Variants in SLC39A10 observed in about 807,000 individuals in gnomAD.
SLC39A10 encodes the protein solute carrier family 39 member 10.
In SLC39A10, 13 loss-of-function variants were observed where a neutral mutation model predicts 65.1. The ratio of observed to expected loss-of-function variants is 0.20; its 90% CI spans 0.13 to 0.32. The LOEUF (loss-of-function observed/expected upper bound fraction) is 0.32. Among genes scored for constraint, SLC39A10 ranks in the 10% least tolerant of loss-of-function variants. The pLI is 1.00. For missense variants in SLC39A10, 831 were observed against 1,018.4 expected, an observed-to-expected ratio of 0.82 and a Z score of 2.50; for synonymous variants, 321 against 342.2, an observed-to-expected ratio of 0.94 and a Z score of 0.68.
At chr2:195,685,684 C>T (rs929205195) in intron 3 of SLC39A10, among the ~76,000 whole-genome samples, 2 of 152,108 alleles carry the variant, frequency 1.3e-5, no homozygotes, top group Admixed American at 6.5e-5. Flanking sequence ...ACTTAGTGAC[C>T]ATCCTAGGCT....
At chr2:195,653,954 T>C (rs1689091434), upstream of SLC39A10, among the ~76,000 whole-genome samples, 1 of 152,202 alleles carries the variant, frequency 6.6e-6, no homozygotes, top group African/African-American at 2.4e-5. Flanking sequence ...TTTTGTTTTT[T>C]TGAGACGGAG....
intron 1 of SLC39A10, chr2:195,671,626 A>T (rs139389318): frequency 6.6e-6 from 1 of 152,210 alleles, no homozygotes; most frequent in Non-Finnish European, 1.5e-5. Context: ...ATGGGCTTCT[A>T]CCATTTCCCC....
At chr2:195,705,770 T>C (rs1013191113) in intron 3 of SLC39A10, among the ~76,000 whole-genome samples, 11 of 152,304 alleles carry the variant, frequency 7.2e-5, no homozygotes, top group African/African-American at 2.6e-4. Context: ...CTATTTCATT[T>C]TAGGCCAATA....
chr2:195,643,351 C>T (rs1688847635), intron 2 of SLC39A10, among the ~76,000 whole-genome samples: 1 of 152,120 alleles, frequency 6.6e-6, no homozygotes, highest in Non-Finnish European at 1.5e-5. Flanking sequence ...AGAGTGCATA[C>T]AAGGATGTTC....
rs63731460 is a variant in SLC39A10, at chr2:195,723,747, A to T, written c.2147-4412A>T. Among the ~76,000 whole-genome samples, 151 of 31,344 alleles carry T rather than the reference A, an allele frequency of 4.8e-3. 7 individuals are homozygous for T. The South Asian group carries it at 0.11, about 22-fold the overall frequency. The allele number at this position is 31,344 out of a possible 152,430, so 20.6% of individuals were successfully genotyped here. A position where few individuals can be genotyped will look rare whatever the true frequency, so the allele number is the denominator to read the frequency against. On this transcript the variant is annotated intron_variant, in intron 8 of 9. Coordinates refer to ENST00000359634, the MANE Select transcript of SLC39A10 (RefSeq NM_020342.3). ...ACTTCAAGGAAATAACATTTTGATT[A>T]AAAAAAAAAAATACAGCCATGGGGC...
At chr2:195,679,268 A>C (rs1690214204) in intron 1 of SLC39A10, among the ~76,000 whole-genome samples, 1 of 152,092 alleles carries the variant, frequency 6.6e-6, no homozygotes, top group African/African-American at 2.4e-5. Context: ...TAAGGGTCAG[A>C]TTTTATTTAT....
intron 8 of SLC39A10, among the ~76,000 whole-genome samples, chr2:195,726,796 C>T (rs1692255787): frequency 6.6e-6 from 1 of 152,078 alleles, no homozygotes. Flanking sequence ...AATAATAGAT[C>T]ATGTATTTTT....
Position 195,680,014 on chromosome 2 carries a change from CTCTT to C in SLC39A10, c.-11-16_-11-13del, listed in dbSNP as rs749745192. ...TAGGTAGAAACTAATACTTGTCTCTCTCTTTAAATCTCTTTAGGAAAAATAGAAA... is the reference window on the plus strand; with the variant it reads ...TAGGTAGAAACTAATACTTGTCTCTCTAAATCTCTTTAGGAAAAATAGAAA... On this transcript the variant is annotated splice_polypyrimidine_tract_variant and intron_variant, in intron 1 of 9. Transcript: ENST00000359634. 6.5e-7 allele frequency: 1 copy of C among 1,542,424 alleles called. No homozygotes were observed. The highest frequency in any genetic ancestry group is 1.4e-5 in the African/African-American group (1 of 72,050).
intron 2 of SLC39A10, among the ~76,000 whole-genome samples, chr2:195,629,915 A>G (rs951552344): frequency 2.0e-5 from 3 of 151,752 alleles, no homozygotes; most frequent in African/African-American, 7.3e-5. Flanking sequence ...TTTATTTTTT[A>G]TAGAGATAGG....
Position 195,681,068 on chromosome 2 carries a change from T to A in SLC39A10, c.1008+18T>A, listed in dbSNP as rs769626024. 2 of 1,580,030 alleles carry A rather than the reference T, an allele frequency of 1.3e-6. No homozygotes were observed. The highest frequency in any genetic ancestry group is 1.7e-4 in the Middle Eastern group (1 of 5,936). On this transcript the variant is annotated intron_variant, in intron 2 of 9. Transcript: ENST00000359634. The stretch of plus-strand genomic sequence containing the variant: ...ATCATGAAGTAAGTATAAAAAGATG[T>A]CCGATAGCTGCTTCGTAATTCTCAC...
At chr2:195,700,622 G>A (rs182164745) in intron 3 of SLC39A10, among the ~76,000 whole-genome samples, 2 of 152,266 alleles carry the variant, frequency 1.3e-5, no homozygotes, top group Admixed American at 6.5e-5. Flanking sequence ...AACTCCCTCA[G>A]CTTTTGTTTA....
chr2:195,727,150 A>G (rs995009065), intron 8 of SLC39A10, among the ~76,000 whole-genome samples: 3 of 152,002 alleles, frequency 2.0e-5, no homozygotes, highest in Non-Finnish European at 4.4e-5. Context: ...TAATGTTCCA[A>G]CTTTAGACAG....
upstream of SLC39A10, among the ~76,000 whole-genome samples, chr2:195,653,089 G>T (rs942441310): frequency 3.9e-5 from 6 of 152,120 alleles, no homozygotes; most frequent in Non-Finnish European, 7.3e-5. Flanking sequence ...GTTGGGGACT[G>T]CTGCTCTATA....
chr2:195,723,563 G>T (rs1189092968), intron 8 of SLC39A10, among the ~76,000 whole-genome samples: 1 of 152,094 alleles, frequency 6.6e-6, no homozygotes. Flanking sequence ...ACAAACTCCT[G>T]CCGGAATTCT....
chr2:195,624,237 A>G (rs1429640340), intron 2 of SLC39A10, among the ~76,000 whole-genome samples: 5 of 151,338 alleles, frequency 3.3e-5, no homozygotes, highest in African/African-American at 1.2e-4. Context: ...AATACAAAAA[A>G]TTAGCTGGGT....
intron 2 of SLC39A10, among the ~76,000 whole-genome samples, chr2:195,638,878 T>C (rs1396802318): frequency 6.6e-6 from 1 of 152,184 alleles, no homozygotes; most frequent in Non-Finnish European, 1.5e-5. Flanking sequence ...TTATATTTAG[T>C]CATTATGAGT....
At chr2:195,732,826 C>G (rs946034172) in intron 9 of SLC39A10, among the ~76,000 whole-genome samples, 9 of 152,194 alleles carry the variant, frequency 5.9e-5, no homozygotes, top group African/African-American at 2.4e-5. Flanking sequence ...GACAGCGCCT[C>G]TGCTGTTGTA....
intron 1 of SLC39A10, among the ~76,000 whole-genome samples, chr2:195,665,664 TG>T (rs1206309695): frequency 1.3e-5 from 2 of 152,168 alleles, no homozygotes; most frequent in Admixed American, 6.5e-5. Flanking sequence ...TGAAGTTTCT[TG>T]GGGGGAAAAA....
At chr2:195,689,064 A>G (rs1690628662) in intron 3 of SLC39A10, among the ~76,000 whole-genome samples, 1 of 152,188 alleles carries the variant, frequency 6.6e-6, no homozygotes, top group Admixed American at 6.5e-5. Context: ...CATTTGGCCA[A>G]GGATTCTCTG....
Sources: allele counts gnomAD v4.1 joint callset (sites outside exome capture counted in the v4.1 genomes callset), GRCh38; gene constraint gnomAD v4.1.1; transcripts MANE v1.5; gene names NCBI Gene and HGNC (gene_info 2026-07-23, HGNC 2026-07-21).